Variants in URAD observed in about 807,000 individuals in gnomAD.
The protein encoded by URAD is putative 2-oxo-4-hydroxy-4-carboxy-5-ureidoimidazoline decarboxylase.
URAD carries 4 observed loss-of-function variants against 4.6 expected under a neutral mutation model. The ratio of observed to expected loss-of-function variants is 0.87; its 90% confidence interval spans 0.43 to 1.98. URAD has a LOEUF of 1.98. Ranked by LOEUF, URAD falls within the 30% of genes most tolerant of loss-of-function variation. The pLI is 0.03. For synonymous variants in URAD, 144 were observed against 118.2 expected (o/e 1.22, Z -1.41); for missense variants, 300 against 255.3 (o/e 1.18, Z -1.19).
intron 1 of URAD, among the ~76,000 whole-genome samples, chr13:27,979,705 C>T (rs562707166): frequency 7.9e-5 from 12 of 152,302 alleles, no homozygotes; most frequent in East Asian, 3.9e-4. Flanking sequence ...CGTAAAACAC[C>T]GTTCAATGAA....
intron 1 of URAD, among the ~76,000 whole-genome samples, chr13:27,985,973 A>G (rs1870016637): frequency 6.6e-6 from 1 of 152,226 alleles, no homozygotes; most frequent in African/African-American, 2.4e-5. Context: ...CATTGATAAC[A>G]TCACTTGTCT....
intron 1 of URAD, among the ~76,000 whole-genome samples, chr13:27,987,908 A>AGAT (rs747306025): frequency 7.4e-5 from 5 of 68,026 alleles, no homozygotes; most frequent in Admixed American, 4.0e-4. Flanking sequence ...ATAGATAGAT[A>AGAT]GATAGATAGA....
At position 27,978,261 on chromosome 13, in the gene URAD, C is replaced by A. The variant is rs775730546; in HGVS notation, c.367G>T (p.Ala123Ser). ...ACCGCCGTCCGGTCGCTGAAGCGCGCGGCGAGCACGAAGGGGAAACCGAAG... is the reference window on the plus strand; with the variant it reads ...ACCGCCGTCCGGTCGCTGAAGCGCGAGGCGAGCACGAAGGGGAAACCGAAG... Reference protein sequence around the residue: ...ARFGFPFVLAARFSDRTAVPR... With the variant: ...ARFGFPFVLASRFSDRTAVPR... Residue 123 changes from alanine (A) to serine (S), a missense_variant, in exon 2 of 2, where the codon GCG becomes TCG. Physicochemically the swap from Ala to Ser is moderately conservative, Grantham distance 99. Transcript: ENST00000332715. 3 of 1,438,086 alleles carry A rather than the reference C, an allele frequency of 2.1e-6. No homozygotes were observed. Among genetic ancestry groups the A allele is most frequent in the African/African-American group, 3.0e-5 (2 of 67,080 alleles). 89.1% of individuals were successfully genotyped at this position (1,438,086 alleles called of 1,614,324 possible).
In URAD at chr13:27,978,095, C is replaced by A. The variant is rs775073303; in HGVS notation, c.*11G>T. ...CGGTTGTGCGTCCCGGGTCCCTGGC[C>A]CGCGCGGCAGCTACAGCTTGGCGGG... On this transcript the variant is annotated 3_prime_UTR_variant, in exon 2 of 2. Coordinates refer to ENST00000332715, the MANE Select transcript of URAD (RefSeq NM_001105577.2). 3 of 1,474,266 alleles carry A rather than the reference C, an allele frequency of 2.0e-6. No homozygotes were observed. The highest frequency in any genetic ancestry group is 1.8e-6 in the Non-Finnish European group (2 of 1,127,684). The allele number at this position is 1,474,266 out of a possible 1,614,324, so 91.3% of individuals were successfully genotyped here.
In URAD at chr13:27,977,835, C is replaced by T. The variant is rs1014837981; in HGVS notation, c.*271G>A. On this transcript the variant is annotated 3_prime_UTR_variant, in exon 2 of 2. Transcript: ENST00000332715. ...CCACAAAGGCCGGTGGTGTCGGGGG[C>T]CGCAAAGGGAGTGAAGAATTGAAGC... 2.4e-6 allele frequency: 1 copy of T among 415,980 alleles called. No individual in the cohort carries two copies. 25.8% of individuals were successfully genotyped at this position (415,980 alleles called of 1,614,324 possible). A position where few individuals can be genotyped will look rare whatever the true frequency, so the allele number is the denominator to read the frequency against.
rs367643288 is a variant in URAD, at chr13:27,988,496, A to G, written c.142T>C (p.Phe48Leu). The stretch of plus-strand genomic sequence containing the variant: ...GCAAGGGCATCAATAAAGGCAAAAA[A>G]GTGCTTCTCTAAATCTTCCAAATCA... ...FSDLEDLEKH[F>L]FAFIDALAQS... Residue 48 changes from phenylalanine to leucine, a missense_variant, in exon 1 of 2, where the codon TTT (phenylalanine) becomes CTT (leucine). Phe to Leu is a conservative substitution (Grantham distance 22). Transcript: ENST00000332715. 4 of 1,613,304 alleles carry G rather than the reference A, an allele frequency of 2.5e-6. No homozygotes were observed. Among genetic ancestry groups the G allele is most frequent in the Non-Finnish European group, 3.4e-6 (4 of 1,179,562 alleles).
chr13:27,982,667 A>T (rs1050708851), intron 1 of URAD, among the ~76,000 whole-genome samples: 4 of 152,148 alleles, frequency 2.6e-5, no homozygotes, highest in African/African-American at 9.7e-5. Context: ...GTTTTGATGC[A>T]ACTGAGCAGT....
chr13:27,978,017 G>T lies in URAD; in HGVS notation c.*89C>A, dbSNP rs1005874644. On this transcript the variant is annotated 3_prime_UTR_variant, in exon 2 of 2. Transcript: ENST00000332715. ...CGTGTGTGGACGCTGTTCCAGGCCC[G>T]AGTCCGCCTCCCGCCCAGGACGCAC... 3 of 1,145,852 alleles carry T rather than the reference G, an allele frequency of 2.6e-6. No individual in the cohort carries two copies. The highest frequency in any genetic ancestry group is 3.4e-6 in the Non-Finnish European group (3 of 870,482). The allele number at this position is 1,145,852 out of a possible 1,614,324, so 71.0% of individuals were successfully genotyped here. A position where few individuals can be genotyped will look rare whatever the true frequency, so the allele number is the denominator to read the frequency against.
chr13:27,986,580 A>G (rs1331940486), intron 1 of URAD, among the ~76,000 whole-genome samples: 1 of 152,214 alleles, frequency 6.6e-6, no homozygotes. Flanking sequence ...AACGTGTGTT[A>G]AGTAACTGGC....
chr13:27,981,145 A>T (rs899657609), intron 1 of URAD, among the ~76,000 whole-genome samples: 3 of 152,178 alleles, frequency 2.0e-5, no homozygotes, highest in Middle Eastern at 3.4e-3. Context: ...ACCTGGCCAG[A>T]TATCCAATCT....
intron 1 of URAD, among the ~76,000 whole-genome samples, chr13:27,979,077 A>G (rs143339327): frequency 2.2e-4 from 33 of 152,178 alleles, no homozygotes; most frequent in African/African-American, 7.9e-4. Flanking sequence ...GGGTTTCTGG[A>G]ATCAGGCATC....
chr13:27,978,439 G>A lies in URAD; in HGVS notation c.189C>T (p.Ile63=), dbSNP rs1869781339. Residue 63 remains isoleucine (I), a synonymous_variant, in exon 2 of 2, where the codon ATC becomes ATT. Coordinates refer to ENST00000332715, the MANE Select transcript of URAD (RefSeq NM_001105577.2). ...DALAQSGQEG[I]LRCHPDLAGS... The stretch of plus-strand genomic sequence containing the variant: ...CCGCCAGGTCCGGGTGGCAGCGCAG[G>A]ATGCCCTCCTGGCCTGCGGAGAAGC... The A allele has an allele frequency of 1.5e-6, 2 of 1,362,734 alleles. No homozygotes were observed. Among genetic ancestry groups the A allele is most frequent in the Admixed American group, 3.8e-5 (1 of 26,582 alleles). 84.4% of individuals were successfully genotyped at this position (1,362,734 alleles called of 1,614,324 possible). A position where few individuals can be genotyped will look rare whatever the true frequency, so the allele number is the denominator to read the frequency against.
intron 1 of URAD, among the ~76,000 whole-genome samples, chr13:27,988,013 C>G (rs369252445): frequency 4.8e-4 from 73 of 152,270 alleles, no homozygotes; most frequent in African/African-American, 1.8e-3. Flanking sequence ...GGCTGGAGTG[C>G]AGTGGTGAAA....
intron 1 of URAD, among the ~76,000 whole-genome samples, chr13:27,981,416 C>T (rs1206851681): frequency 2.0e-5 from 3 of 152,232 alleles, no homozygotes; most frequent in Non-Finnish European, 4.4e-5. Context: ...AATCTAGGTA[C>T]TGCCCGTTCT....
intron 1 of URAD, among the ~76,000 whole-genome samples, chr13:27,981,136 C>A (rs1869866222): frequency 6.6e-6 from 1 of 152,032 alleles, no homozygotes; most frequent in Non-Finnish European, 1.5e-5. Context: ...CCTGACCTCA[C>A]CTGGCCAGAT....
At chr13:27,980,191 AGTGCTGGGATTACAG>A (rs1869833748) in intron 1 of URAD, among the ~76,000 whole-genome samples, 1 of 151,932 alleles carries the variant, frequency 6.6e-6, no homozygotes. Flanking sequence ...GGCCTCCTAA[AGTGCTGGGATTACAG>A]GTGTGAGCCA....
At chr13:27,985,224 A>G (rs1869991434) in intron 1 of URAD, among the ~76,000 whole-genome samples, 1 of 151,708 alleles carries the variant, frequency 6.6e-6, no homozygotes, top group African/African-American at 2.4e-5. Context: ...TTGGGAGGCC[A>G]AGGTGGGCGG....
intron 1 of URAD, among the ~76,000 whole-genome samples, chr13:27,980,365 G>A (rs1313225678): frequency 1.3e-5 from 2 of 152,222 alleles, no homozygotes; most frequent in Non-Finnish European, 2.9e-5. Flanking sequence ...CCCCACCTGG[G>A]GGAGCAGCCC....
chr13:27,978,475 G>C (rs906647928), intron 1 of URAD, 23 bp from the exon 2 acceptor site: 112 of 1,304,930 alleles, frequency 8.6e-5, no homozygotes, highest in Middle Eastern at 5.7e-4. Flanking sequence ...ACAGACACCG[G>C]CGGGAGCGCG....
Sources: gnomAD v4.1 joint callset for allele counts (sites outside exome capture counted in the v4.1 genomes callset) on GRCh38, gnomAD v4.1.1 for gene constraint, MANE v1.5 for transcripts, NCBI Gene and HGNC (gene_info 2026-07-23, HGNC 2026-07-21) for gene names.